The following CEP162 variants were observed in gnomAD, a reference collection of about 807,000 sequenced individuals.
CEP162 encodes centrosomal protein 162.
Under a neutral mutation model 169.2 loss-of-function variants are expected in CEP162, and 141 were observed. That is an observed-to-expected ratio of 0.83 (90% CI 0.73 to 0.96). The LOEUF is 0.96. Among genes scored for constraint, CEP162 ranks in the 40% least tolerant of loss-of-function variants. The pLI is 0.00. For synonymous variants in CEP162, 540 were observed against 526.4 expected (o/e 1.03, Z -0.35); for missense variants, 1,600 against 1,587.2 (o/e 1.01, Z -0.14).
chr6:84,137,675 TTTCTC>T (rs1383754157), intron 25 of CEP162, among the ~76,000 whole-genome samples: 1 of 152,200 alleles, frequency 6.6e-6, no homozygotes, highest in African/African-American at 2.4e-5. Context: ...ATTCATGTCT[TTTCTC>T]TACAACTGCA....
At position 84,175,209 on chromosome 6, in the gene CEP162, C is replaced by T; in HGVS notation, c.1797+5G>A. ...ACATTATGATTATTAATTTTGAATA[C>T]CTACAGTCTGAAACTGAATACAGGA... On this transcript the variant is annotated splice_donor_5th_base_variant and intron_variant, in intron 14 of 26. Transcript: ENST00000403245. The T allele has an allele frequency of 6.6e-7, 1 of 1,505,060 alleles. No homozygotes were observed. 93.2% of individuals were successfully genotyped at this position (1,505,060 alleles called of 1,614,324 possible).
At chr6:84,145,282 A>G (rs867375450) in intron 25 of CEP162, among the ~76,000 whole-genome samples, 2 of 152,136 alleles carry the variant, frequency 1.3e-5, no homozygotes, top group Admixed American at 6.6e-5. Flanking sequence ...AGCCTTTGGC[A>G]TGCGTTTCTA....
chr6:84,200,735 T>G (rs750256102), intron 9 of CEP162, 54 bp downstream of exon 9: 20 of 811,792 alleles, frequency 2.5e-5, no homozygotes, highest in Non-Finnish European at 3.4e-5. Flanking sequence ...GTAGTCATAT[T>G]AGTCATAAAG....
At chr6:84,171,524 A>T in intron 17 of CEP162, 82 bp downstream of exon 17, 1 of 505,122 alleles carries the variant, frequency 2.0e-6, no homozygotes, top group Non-Finnish European at 3.3e-6. Flanking sequence ...TCTAAGTAAA[A>T]ATAAATGTAT....
chr6:84,138,342 T>C (rs1217854861), intron 25 of CEP162, among the ~76,000 whole-genome samples: 1 of 152,216 alleles, frequency 6.6e-6, no homozygotes, highest in African/African-American at 2.4e-5. Context: ...GTCCAGTTTA[T>C]TGCCTGGAGG....
At chr6:84,172,670 T>A (rs557012270) in intron 16 of CEP162, among the ~76,000 whole-genome samples, 3 of 152,320 alleles carry the variant, frequency 2.0e-5, no homozygotes, top group South Asian at 2.1e-4. Context: ...ATTTGAATGG[T>A]TCCCAGTAAC....
chr6:84,203,179 A>T (rs2099545330), intron 7 of CEP162, among the ~76,000 whole-genome samples: 1 of 152,228 alleles, frequency 6.6e-6, no homozygotes, highest in African/African-American at 2.4e-5. Flanking sequence ...TCTTGGTAAG[A>T]ACTGGGAAAT....
intron 2 of CEP162, among the ~76,000 whole-genome samples, chr6:84,223,440 A>AGT (rs1303390089): frequency 6.6e-6 from 1 of 152,052 alleles, no homozygotes; most frequent in African/African-American, 2.4e-5. Context: ...CAGAGGTTGC[A>AGT]GTGAGCCAAG....
At chr6:84,196,584 AT>A (rs1307360076) in intron 9 of CEP162, among the ~76,000 whole-genome samples, 39 of 152,344 alleles carry the variant, frequency 2.6e-4, no homozygotes, top group African/African-American at 9.4e-4. Context: ...AATTTTCAAA[AT>A]TAGAGGAAAA....
chr6:84,145,579 G>C lies in CEP162; in HGVS notation c.3870+1108C>G, dbSNP rs74364201. Among the ~76,000 whole-genome samples the C allele has an allele frequency of 3.5e-3, 526 of 151,844 alleles. 3 individuals carry two copies. Among genetic ancestry groups the C allele is most frequent in the African/African-American group, 0.012 (510 of 41,436 alleles). Reference sequence around the variant, plus strand: ...TCTAGCCTTGTTTTTTTATCTCTGGGGTTTTGTTATTTACATGTAATCTGG... The same window carrying C: ...TCTAGCCTTGTTTTTTTATCTCTGGCGTTTTGTTATTTACATGTAATCTGG... On this transcript the variant is annotated intron_variant, in intron 25 of 26. Coordinates refer to ENST00000403245, the MANE Select transcript of CEP162 (RefSeq NM_014895.4).
chr6:84,185,148 A>T (rs958827788), intron 13 of CEP162, 39 bp downstream of exon 13: 1 of 1,508,914 alleles, frequency 6.6e-7, no homozygotes, highest in African/African-American at 1.4e-5. Context: ...GGAAGCAAAG[A>T]AAGTAAAACA....
chr6:84,141,187 C>T (rs1588712740), intron 25 of CEP162, among the ~76,000 whole-genome samples: 1 of 151,804 alleles, frequency 6.6e-6, no homozygotes, highest in East Asian at 1.9e-4. Context: ...GGTTGGGGAC[C>T]CCTGGTCTAG....
chr6:84,172,783 T>C (rs1200092383), intron 16 of CEP162, among the ~76,000 whole-genome samples: 1 of 152,170 alleles, frequency 6.6e-6, no homozygotes, highest in African/African-American at 2.4e-5. Context: ...TGATAATGCA[T>C]GTTACTAAGG....
intron 25 of CEP162, among the ~76,000 whole-genome samples, chr6:84,134,521 G>A (rs933977141): frequency 1.3e-5 from 2 of 152,184 alleles, no homozygotes; most frequent in East Asian, 3.9e-4. Flanking sequence ...CGAAGACCTT[G>A]GGAAAAGCAT....
In CEP162 at chr6:84,193,725, G is replaced by A. The variant is rs765062802; in HGVS notation, c.1028-35C>T. ...GGAAAAAAAAGTAGAAACGAAAAAT[G>A]TTATGTAGGTTGCTTAATTTACATG... On this transcript the variant is annotated intron_variant, in intron 10 of 26. Coordinates refer to ENST00000403245, the MANE Select transcript of CEP162 (RefSeq NM_014895.4). The A allele has an allele frequency of 8.4e-6, 11 of 1,308,638 alleles. No individual in the cohort carries two copies. The Admixed American group carries it at 9.5e-5, about 11-fold the overall frequency. 81.1% of individuals were successfully genotyped at this position (1,308,638 alleles called of 1,614,324 possible). A position where few individuals can be genotyped will look rare whatever the true frequency, so the allele number is the denominator to read the frequency against.
rs530801238 is a variant in CEP162 at position 84,187,332 on chromosome 6, G to A, written c.1110-709C>T. 5.3e-5 allele frequency among the ~76,000 whole-genome samples: 8 copies of A among 152,230 alleles called. 1 individual carries two copies. The highest frequency in any genetic ancestry group is 1.9e-4 in the African/African-American group (8 of 41,554). On this transcript the variant is annotated intron_variant, in intron 11 of 26. Transcript: ENST00000403245. ...TGTTAGTCTTAAAATATTTAATCGT[G>A]TGTCAATTAGGCCATTTAATTTTAT...
intron 8 of CEP162, 71 bp downstream of exon 8, chr6:84,201,666 G>C: frequency 1.3e-6 from 1 of 763,510 alleles, no homozygotes; most frequent in Non-Finnish European, 2.2e-6. Context: ...GACTCATTCA[G>C]AATTACTGAG....
intron 26 of CEP162, 32 bp from the exon 27 acceptor site, chr6:84,125,308 T>C (rs1257094179): frequency 1.3e-6 from 2 of 1,572,644 alleles, no homozygotes; most frequent in South Asian, 1.1e-5. Flanking sequence ...ATTGCTGTTA[T>C]AGTTCATAGT....
chr6:84,144,039 T>G (rs1261266453), intron 25 of CEP162, among the ~76,000 whole-genome samples: 1 of 152,024 alleles, frequency 6.6e-6, no homozygotes, highest in African/African-American at 2.4e-5. Flanking sequence ...GTGATCCTAT[T>G]TAATCAAATG....
Sources: allele counts gnomAD v4.1 joint callset (sites outside exome capture counted in the v4.1 genomes callset), GRCh38; gene constraint gnomAD v4.1.1; transcripts MANE v1.5; gene names NCBI Gene and HGNC (gene_info 2026-07-23, HGNC 2026-07-21).